GIGYF2: variants seen among roughly 807,000 people sequenced by gnomAD.
GIGYF2 encodes the protein GRB10 interacting GYF protein 2, also known as GRB10-interacting GYF protein 2.
In GIGYF2, 25 loss-of-function variants were observed where a neutral mutation model predicts 208.1. That is an observed-to-expected ratio of 0.12 (90% confidence interval 0.09 to 0.17). The LOEUF is 0.17. Ranked by LOEUF, GIGYF2 falls within the 10% of genes least tolerant of loss-of-function variation. GIGYF2 has a pLI of 1.00. For missense variants in GIGYF2, 1,302 were observed against 1,579.4 expected (o/e 0.82, Z 2.98); for synonymous variants, 534 against 543.8 (o/e 0.98, Z 0.25).
intron 6 of GIGYF2, 55 bp downstream of exon 6, chr2:232,756,389 C>G (rs1301747420): frequency 3.3e-6 from 3 of 899,298 alleles, no homozygotes; most frequent in Non-Finnish European, 5.2e-6. Context: ...GGATAGAGAA[C>G]TTACTTTTAA....
chr2:232,856,686 T>G (rs1268036630), intron 28 of GIGYF2, 107 bp from the exon 29 acceptor site: 1 of 807,720 alleles, frequency 1.2e-6, no homozygotes, highest in East Asian at 2.4e-5. Context: ...AGTGAAACCC[T>G]GTCTCACAAA....
chr2:232,770,842 C>T (rs1375848349), intron 8 of GIGYF2: 19 of 1,162,524 alleles, frequency 1.6e-5, no homozygotes, highest in African/African-American at 3.1e-5. Context: ...TTCCAAACAC[C>T]TGTAGTTTTG....
chr2:232,802,496 GT>G (rs940325815), intron 14 of GIGYF2, among the ~76,000 whole-genome samples: 82 of 152,044 alleles, frequency 5.4e-4, no homozygotes, highest in African/African-American at 1.6e-3. Context: ...TGACCATGTG[GT>G]TTTTTTCCCC....
chr2:232,776,901 G>A (rs1219376853), intron 8 of GIGYF2: 2 of 155,208 alleles, frequency 1.3e-5, no homozygotes, highest in African/African-American at 4.8e-5. Context: ...TATATAGCAT[G>A]TTGAAGTGTG....
chr2:232,836,399 A>AATATATATATAAAT (rs71056301), intron 22 of GIGYF2, among the ~76,000 whole-genome samples: 1 of 47,782 alleles, frequency 2.1e-5, no homozygotes, highest in South Asian at 4.6e-4. Flanking sequence ...TATAAATATA[A>AATATATATATAAAT]ATATATATAT....
intron 18 of GIGYF2, among the ~76,000 whole-genome samples, chr2:232,813,187 C>CTTTTTTTTTTTT (rs894736273): frequency 8.1e-6 from 1 of 123,876 alleles, no homozygotes; most frequent in Non-Finnish European, 1.7e-5. Flanking sequence ...TCTTTGCTTT[C>CTTTTTTTTTTTT]TTTTTTTTTT....
At chr2:232,825,048 T>G (rs539401147) in intron 21 of GIGYF2, among the ~76,000 whole-genome samples, 18 of 152,366 alleles carry the variant, frequency 1.2e-4, no homozygotes, top group African/African-American at 3.8e-4. Context: ...GAAGACCTAC[T>G]GCTCCTTTCA....
intron 4 of GIGYF2, among the ~76,000 whole-genome samples, chr2:232,748,729 C>T (rs1189978595): frequency 6.6e-6 from 1 of 152,114 alleles, no homozygotes; most frequent in Non-Finnish European, 1.5e-5. Flanking sequence ...ACTTTGTGCT[C>T]TGGTATAGCA....
In GIGYF2 at chr2:232,817,159, T is replaced by C; in HGVS notation, c.2370+127T>C. ...GGGGTTAGAACCTTAGAAGACTCAC[T>C]CACCTTTGGAAAGAATCTCTGTTTT... is the stretch of plus-strand genomic sequence containing the variant. On this transcript the variant is annotated intron_variant, in intron 20 of 28. Coordinates refer to ENST00000373563, the MANE Select transcript of GIGYF2 (RefSeq NM_001103146.3). 3 of 788,908 alleles carry C rather than the reference T, an allele frequency of 3.8e-6. 1 individual carries two copies. The South Asian group carries it at 4.2e-5, about 11-fold the overall frequency. The allele number at this position is 788,908 out of a possible 1,614,324, so 48.9% of individuals were successfully genotyped here.
intron 22 of GIGYF2, among the ~76,000 whole-genome samples, chr2:232,836,328 ATAC>A (rs1701623844): frequency 3.4e-5 from 1 of 29,208 alleles, no homozygotes; most frequent in African/African-American, 1.1e-4. Context: ...ATATATATAT[ATAC>A]ATATATATAC....
intron 23 of GIGYF2, among the ~76,000 whole-genome samples, chr2:232,840,578 A>C (rs569484832): frequency 6.6e-6 from 1 of 152,184 alleles, no homozygotes; most frequent in Non-Finnish European, 1.5e-5. Flanking sequence ...CTGAGTACCT[A>C]CTCACTTAAG....
chr2:232,837,953 G>A (rs1003588316), intron 22 of GIGYF2, among the ~76,000 whole-genome samples: 10 of 152,144 alleles, frequency 6.6e-5, no homozygotes, highest in Non-Finnish European at 1.3e-4. Context: ...AGGACATTAG[G>A]CATTCGGGGG....
At chr2:232,827,859 C>T (rs1701297871) in intron 21 of GIGYF2, among the ~76,000 whole-genome samples, 1 of 152,140 alleles carries the variant, frequency 6.6e-6, no homozygotes, top group South Asian at 2.1e-4. Flanking sequence ...ACGTGTCACA[C>T]TTTTTAGTAT....
chr2:232,704,597 G>A (rs115065613), intron 2 of GIGYF2, among the ~76,000 whole-genome samples: 7,372 of 152,012 alleles, frequency 0.048, 227 homozygotes, highest in Non-Finnish European at 0.073. Context: ...GGGTTTTGCC[G>A]TGTTGGCCAG....
chr2:232,735,833 C>T, intron 3 of GIGYF2: 2 of 985,166 alleles, frequency 2.0e-6, no homozygotes, highest in South Asian at 4.7e-5. Context: ...GTGGCTTCCC[C>T]CCCTCCCCTC....
At chr2:232,779,219 T>C (rs1438994108) in intron 8 of GIGYF2, among the ~76,000 whole-genome samples, 1 of 152,196 alleles carries the variant, frequency 6.6e-6, no homozygotes, top group Non-Finnish European at 1.5e-5. Context: ...CTAAAACATT[T>C]CTTCGGTGAA....
At chr2:232,852,384 A>G (rs1438463532) in intron 28 of GIGYF2, among the ~76,000 whole-genome samples, 2 of 152,072 alleles carry the variant, frequency 1.3e-5, no homozygotes, top group Non-Finnish European at 2.9e-5. Context: ...CGTCTCTAGT[A>G]AAAATACAAA....
intron 6 of GIGYF2, among the ~76,000 whole-genome samples, chr2:232,757,798 A>G (rs1698608131): frequency 7.4e-6 from 1 of 135,906 alleles, no homozygotes; most frequent in African/African-American, 2.7e-5. Flanking sequence ...TACTTAATCT[A>G]GAAACAAGTG....
chr2:232,836,725 A>C (rs1701650673), intron 22 of GIGYF2, among the ~76,000 whole-genome samples: 1 of 151,996 alleles, frequency 6.6e-6, no homozygotes, highest in Non-Finnish European at 1.5e-5. Context: ...GTTTTCTCAG[A>C]TAAGGTAGCA....
Sources: gnomAD v4.1 joint callset for allele counts (sites outside exome capture counted in the v4.1 genomes callset) on GRCh38, gnomAD v4.1.1 for gene constraint, MANE v1.5 for transcripts, NCBI Gene and HGNC (gene_info 2026-07-23, HGNC 2026-07-21) for gene names.